Variants in ROBO2 observed in about 807,000 individuals in gnomAD.
ROBO2 encodes roundabout guidance receptor 2, also known as roundabout homolog 2.
In ROBO2, 53 loss-of-function variants were observed where a neutral mutation model predicts 160.8. The ratio of observed to expected loss-of-function variants is 0.33; its 90% CI spans 0.26 to 0.41. The LOEUF is 0.41. Among genes scored for constraint, ROBO2 ranks in the 10% least tolerant of loss-of-function variants. ROBO2 has a pLI of 1.00. For missense variants in ROBO2, 1,577 were observed against 1,722.4 expected (o/e 0.92, Z 1.49); for synonymous variants, 664 against 611.7 (o/e 1.09, Z -1.26).
At chr3:77,097,989 G>T (rs767256981) in intron 1 of ROBO2, 25 bp from the exon 2 acceptor site, 1 of 1,510,444 alleles carries the variant, frequency 6.6e-7, no homozygotes, top group Non-Finnish European at 8.9e-7. Flanking sequence ...GTTAAAGCTT[G>T]TCTTTATTCC....
intron 2 of ROBO2, among the ~76,000 whole-genome samples, chr3:76,060,613 A>G (rs575434948): frequency 1.8e-4 from 28 of 152,320 alleles, no homozygotes; most frequent in Non-Finnish European, 4.0e-4. Flanking sequence ...ATCCCTAACA[A>G]TGGGAAGTAT....
chr3:77,188,820 A>C (rs943303254), intron 2 of ROBO2, among the ~76,000 whole-genome samples: 5 of 151,908 alleles, frequency 3.3e-5, no homozygotes, highest in Non-Finnish European at 7.4e-5. Context: ...TCTTACATAG[A>C]GCCAAATAGC....
intron 2 of ROBO2, among the ~76,000 whole-genome samples, chr3:77,343,366 T>C (rs1475102677): frequency 6.6e-6 from 1 of 152,208 alleles, no homozygotes; most frequent in African/African-American, 2.4e-5. Context: ...GTTGCTCATA[T>C]TAAATCTAGT....
intron 2 of ROBO2, among the ~76,000 whole-genome samples, chr3:76,063,262 C>T (rs1184646003): frequency 2.0e-5 from 3 of 151,496 alleles, no homozygotes; most frequent in Admixed American, 1.3e-4. Context: ...AGTTACTGGG[C>T]GAAGTCTAAA....
At chr3:77,340,985 C>T (rs1325656179) in intron 2 of ROBO2, among the ~76,000 whole-genome samples, 1 of 151,992 alleles carries the variant, frequency 6.6e-6, no homozygotes, top group Non-Finnish European at 1.5e-5. Flanking sequence ...TAAGAATATT[C>T]TTTACATTTT....
chr3:76,425,126 A>G (rs948299307), intron 2 of ROBO2, among the ~76,000 whole-genome samples: 4 of 152,030 alleles, frequency 2.6e-5, no homozygotes, highest in African/African-American at 9.7e-5. Context: ...TAGTACTTGC[A>G]TGAGCCATGC....
At chr3:76,859,251 A>G (rs1381268609) in intron 2 of ROBO2, among the ~76,000 whole-genome samples, 2 of 152,256 alleles carry the variant, frequency 1.3e-5, no homozygotes, top group Non-Finnish European at 2.9e-5. Flanking sequence ...AGAGAGGCAT[A>G]GTCAATTTTA....
At chr3:76,326,298 GT>G (rs2073010445) in intron 2 of ROBO2, among the ~76,000 whole-genome samples, 2 of 152,058 alleles carry the variant, frequency 1.3e-5, no homozygotes, top group African/African-American at 4.8e-5. Flanking sequence ...ACTCCTCTTT[GT>G]AAGAATAGTC....
intron 2 of ROBO2, among the ~76,000 whole-genome samples, chr3:76,279,038 T>C (rs993803911): frequency 8.6e-5 from 13 of 151,900 alleles, no homozygotes; most frequent in Non-Finnish European, 1.6e-4. Context: ...AATAGTGTTA[T>C]TGCAGCAAAC....
chr3:77,489,647 A>G (rs1009015880), intron 4 of ROBO2, among the ~76,000 whole-genome samples: 1 of 152,168 alleles, frequency 6.6e-6, no homozygotes, highest in Non-Finnish European at 1.5e-5. Flanking sequence ...ATATGTTGTG[A>G]TTTTGTGACT....
Position 77,540,333 on chromosome 3 carries a change from T to C in ROBO2, c.935-6005T>C, listed in dbSNP as rs1366052553. Among the ~76,000 whole-genome samples the C allele has an allele frequency of 2.0e-5, 3 of 152,208 alleles. No homozygotes were observed. The East Asian group carries it at 5.8e-4, about 29-fold the overall frequency. On this transcript the variant is annotated intron_variant, in intron 6 of 25. Transcript: ENST00000461745. ...TTCTATCATTCTTCTTCGTATTAGA[T>C]ATGACAAATTTTTAGTTAATCAGAT...
chr3:76,343,828 A>C (rs185029050), intron 2 of ROBO2, among the ~76,000 whole-genome samples: 1 of 152,166 alleles, frequency 6.6e-6, no homozygotes, highest in Admixed American at 6.5e-5. Context: ...TAGCCTCCAA[A>C]GATATTTGGT....
intron 2 of ROBO2, among the ~76,000 whole-genome samples, chr3:76,622,291 A>G (rs538848491): frequency 0.13 from 8,234 of 65,658 alleles, 1,395 homozygotes; most frequent in East Asian, 0.14. Context: ...AGAAAGAAAG[A>G]AAGAAAGAAA....
At chr3:76,993,709 T>A (rs1229657504) in intron 2 of ROBO2, among the ~76,000 whole-genome samples, 1 of 152,126 alleles carries the variant, frequency 6.6e-6, no homozygotes, top group Non-Finnish European at 1.5e-5. Flanking sequence ...TCCTGAGACT[T>A]CTTTAGTCCT....
chr3:77,601,677 A>G (rs1024020553), intron 19 of ROBO2, among the ~76,000 whole-genome samples: 4 of 152,128 alleles, frequency 2.6e-5, no homozygotes, highest in African/African-American at 9.7e-5. Context: ...AAAAAAATGC[A>G]CTCTCCTTTT....
At chr3:77,365,188 T>G (rs2070672747) in intron 2 of ROBO2, among the ~76,000 whole-genome samples, 1 of 151,500 alleles carries the variant, frequency 6.6e-6, no homozygotes, top group Admixed American at 6.6e-5. Flanking sequence ...GAAGAGGTTC[T>G]AAGACTTCAG....
intron 2 of ROBO2, among the ~76,000 whole-genome samples, chr3:76,114,705 A>G (rs1227371032): frequency 2.0e-5 from 3 of 152,148 alleles, no homozygotes; most frequent in African/African-American, 7.2e-5. Context: ...TTTTCACTTT[A>G]TTACCCTAAG....
chr3:77,082,734 G>A (rs1480138469), intron 1 of ROBO2, among the ~76,000 whole-genome samples: 1 of 151,486 alleles, frequency 6.6e-6, no homozygotes, highest in Non-Finnish European at 1.5e-5. Flanking sequence ...ACACAATAGT[G>A]TATTGTATGT....
At chr3:76,932,890 G>A (rs935285965) in intron 2 of ROBO2, among the ~76,000 whole-genome samples, 4 of 152,000 alleles carry the variant, frequency 2.6e-5, no homozygotes, top group Non-Finnish European at 5.9e-5. Context: ...ATATAATGAA[G>A]CTGCCCCCGC....
Sources: gnomAD v4.1 joint callset for allele counts (sites outside exome capture counted in the v4.1 genomes callset) on GRCh38, gnomAD v4.1.1 for gene constraint, MANE v1.5 for transcripts, NCBI Gene and HGNC (gene_info 2026-07-23, HGNC 2026-07-21) for gene names.